COPZ2: variants seen among roughly 807,000 people sequenced by gnomAD.
COPZ2 encodes the protein coat protein complex I subunit zeta 2, also known as coatomer subunit zeta-2.
COPZ2 carries 30 observed loss-of-function variants against 33.2 expected under a neutral mutation model. The ratio of observed to expected loss-of-function variants is 0.90; its 90% CI spans 0.68 to 1.23. COPZ2 has a LOEUF of 1.23. COPZ2 is among the 50% of genes most tolerant of loss of function. The pLI is 0.00. For synonymous variants in COPZ2, 89 were observed against 102.6 expected, an observed-to-expected ratio of 0.87 and a Z score of 0.80; for missense variants, 263 against 262.4, an observed-to-expected ratio of 1.00 and a Z score of -0.02.
chr17:48,036,078 G>A (rs1244289599), intron 2 of COPZ2, among the ~76,000 whole-genome samples: 2 of 152,192 alleles, frequency 1.3e-5, no homozygotes, highest in Admixed American at 1.3e-4. Context: ...CATAGCTAAT[G>A]CAGATGCTAT....
chr17:48,034,438 C>T (rs2036947205), intron 2 of COPZ2, among the ~76,000 whole-genome samples: 1 of 152,020 alleles, frequency 6.6e-6, no homozygotes, highest in African/African-American at 2.4e-5. Flanking sequence ...AAAGAAAGTC[C>T]CAAAAAGTAG....
At chr17:48,031,473 A>G (rs1022257602) in intron 6 of COPZ2, among the ~76,000 whole-genome samples, 3 of 151,604 alleles carry the variant, frequency 2.0e-5, no homozygotes, top group African/African-American at 7.3e-5. Context: ...AAAAAAAAAG[A>G]AATTTTTATT....
At chr17:48,038,798 G>A (rs534937744), upstream of COPZ2, among the ~76,000 whole-genome samples, 8 of 152,248 alleles carry the variant, frequency 5.3e-5, no homozygotes, top group South Asian at 1.2e-3. Context: ...TACAGAATGG[G>A]GTTTTCCTCA....
intron 6 of COPZ2, among the ~76,000 whole-genome samples, chr17:48,031,319 G>A (rs2036891222): frequency 6.6e-6 from 1 of 151,978 alleles, no homozygotes; most frequent in South Asian, 2.1e-4. Flanking sequence ...TGGTGTGGTG[G>A]TGGGTGCCTG....
upstream of COPZ2, among the ~76,000 whole-genome samples, chr17:48,041,624 T>C (rs546506755): frequency 3.3e-5 from 5 of 152,262 alleles, no homozygotes; most frequent in East Asian, 7.7e-4. Flanking sequence ...TCAGTTATAA[T>C]AGGGAACATA....
chr17:48,026,595 T>TGG, intron 8 of COPZ2, 120 bp from the exon 9 acceptor site: 1 of 692,042 alleles, frequency 1.4e-6, no homozygotes, highest in Admixed American at 2.4e-5. Flanking sequence ...GGTCACTAGG[T>TGG]GGCAGCAGCT....
intron 6 of COPZ2, among the ~76,000 whole-genome samples, chr17:48,031,450 T>C (rs2144300082): frequency 1.3e-5 from 2 of 149,266 alleles, no homozygotes; most frequent in Non-Finnish European, 3.0e-5. Context: ...AGCGAGACTC[T>C]GTCTCAAAAA....
Position 48,036,214 on chromosome 17 carries a change from C to A in COPZ2, c.186+637G>T, listed in dbSNP as rs190688136. 1.5e-3 allele frequency among the ~76,000 whole-genome samples: 236 copies of A among 152,258 alleles called. 1 individual carries two copies. Among genetic ancestry groups the A allele is most frequent in the African/African-American group, 5.4e-3 (226 of 41,546 alleles). The stretch of plus-strand genomic sequence containing the variant: ...TTGAATGGGGGTACAGTGAAAACCA[C>A]CTTGAGCTTCATGTCAAAAAACCCG... On this transcript the variant is annotated intron_variant, in intron 2 of 8. Transcript: ENST00000621465.
chr17:48,047,241 G>A, the COPZ2 span: 1 of 152,204 alleles, frequency 6.6e-6, no homozygotes, highest in Non-Finnish European at 1.5e-5. Context: ...AGAAGACACA[G>A]TTGAGTTGAC....
chr17:48,034,868 C>T (rs893235618), intron 2 of COPZ2, among the ~76,000 whole-genome samples: 4 of 152,124 alleles, frequency 2.6e-5, no homozygotes, highest in African/African-American at 9.7e-5. Flanking sequence ...TGCCTGTAAT[C>T]CCAGCTACTT....
In COPZ2 at chr17:48,036,851, C is replaced by T. The variant is rs935561240; in HGVS notation, c.186G>A (p.Lys62=). 3.1e-6 allele frequency: 5 copies of T among 1,613,480 alleles called. No individual in the cohort carries two copies. Among genetic ancestry groups the T allele is most frequent in the East Asian group, 2.2e-5 (1 of 44,884 alleles). ...LDNDGRRLLA[K]YYDDTFPSMK... is the part of the protein sequence containing the mutation. The stretch of plus-strand genomic sequence containing the variant: ...CCTCATGGGTGGGGTCAGAGGTTAC[C>T]TTGGCCAGCAGCCGGCGCCCGTCAT... The change falls in exon 2 of 9, where the codon AAG becomes AAA. Residue 62 remains lysine, a splice_region_variant and synonymous_variant. Transcript: ENST00000621465.
At chr17:48,032,314 T>C (rs1388476588) in intron 5 of COPZ2, 81 bp from the exon 6 acceptor site, 4 of 1,187,680 alleles carry the variant, frequency 3.4e-6, no homozygotes. Flanking sequence ...GACCCCACTC[T>C]CCAAAGACTG....
Position 48,028,128 on chromosome 17 carries a change from G to C in COPZ2, c.585+344C>G, listed in dbSNP as rs1201558983. On this transcript the variant is annotated intron_variant, in intron 8 of 8. Coordinates refer to ENST00000621465, the MANE Select transcript of COPZ2 (RefSeq NM_016429.4). The surrounding 1 kb of genome is among the most constrained non-coding windows in gnomAD (Gnocchi z 4.5). ...AGGTTTCGGTAGAGGGCGCATCAGAGGCCTGAGTTCCCAGATTTTTGGGGT... is the reference window on the plus strand; with the variant it reads ...AGGTTTCGGTAGAGGGCGCATCAGACGCCTGAGTTCCCAGATTTTTGGGGT... Among the ~76,000 whole-genome samples, 1 of 152,154 alleles carries C rather than the reference G, an allele frequency of 6.6e-6. No individual in the cohort carries two copies. The highest frequency in any genetic ancestry group is 6.5e-5 in the Admixed American group (1 of 15,282).
intron 3 of COPZ2, 55 bp from the exon 4 acceptor site, chr17:48,033,357 CCCT>C: frequency 3.1e-6 from 3 of 974,104 alleles, no homozygotes; most frequent in Non-Finnish European, 3.3e-6. Flanking sequence ...CTAGCCTAGC[CCCT>C]CCTCCTCATG....
Position 48,037,654 on chromosome 17 carries a change from G to T in COPZ2, c.111+13C>A. The stretch of plus-strand genomic sequence containing the variant: ...CCCGCCGCCCGGGATCCCCGCGCCC[G>T]CCCGCTCCGTACCCGCAGCCCCGAG... On this transcript the variant is annotated intron_variant, in intron 1 of 8. Transcript: ENST00000621465. This position sits in a 1 kb window ranked among gnomAD's most constrained non-coding sequence, Gnocchi z 5.6. 1 of 1,090,278 alleles carries T rather than the reference G, an allele frequency of 9.2e-7. No individual in the cohort carries two copies. The highest frequency in any genetic ancestry group is 1.1e-6 in the Non-Finnish European group (1 of 898,736). The allele number at this position is 1,090,278 out of a possible 1,614,324, so 67.5% of individuals were successfully genotyped here.
At chr17:48,043,053 A>G in the COPZ2 span, among the ~76,000 whole-genome samples, 2 of 152,270 alleles carry the variant, frequency 1.3e-5, no homozygotes, top group Non-Finnish European at 2.9e-5. Flanking sequence ...GCACATGAGA[A>G]GCATGCACGT....
At chr17:48,038,269 GCTTT>G (rs2037024114), upstream of COPZ2, among the ~76,000 whole-genome samples, 1 of 152,144 alleles carries the variant, frequency 6.6e-6, no homozygotes, top group Non-Finnish European at 1.5e-5. Context: ...CTGTGAAGAG[GCTTT>G]CTCATTCCTC....
rs1377815303 is a variant in COPZ2, at chr17:48,026,419, C to A, written c.*9G>T. The A allele has an allele frequency of 2.5e-6, 4 of 1,611,606 alleles. No homozygotes were observed. Among genetic ancestry groups the A allele is most frequent in the Non-Finnish European group, 3.4e-6 (4 of 1,177,780 alleles). ...ATCTGGGGGGCAGGGAGCCTTGAAT[C>A]CACAGCCTTCATTTCAATAACGACC... On this transcript the variant is annotated 3_prime_UTR_variant, in exon 9 of 9. Coordinates refer to ENST00000621465, the MANE Select transcript of COPZ2 (RefSeq NM_016429.4).
At position 48,037,186 on chromosome 17, in the gene COPZ2, A is replaced by G. The variant is rs770658530; in HGVS notation, c.112-261T>C. 1.4e-6 allele frequency: 1 copy of G among 720,964 alleles called. No individual in the cohort carries two copies. The highest frequency in any genetic ancestry group is 2.6e-6 in the Non-Finnish European group (1 of 381,548). 44.7% of individuals were successfully genotyped at this position (720,964 alleles called of 1,614,324 possible). A position where few individuals can be genotyped will look rare whatever the true frequency, so the allele number is the denominator to read the frequency against. On this transcript the variant is annotated intron_variant, in intron 1 of 8. Coordinates refer to ENST00000621465, the MANE Select transcript of COPZ2 (RefSeq NM_016429.4). The surrounding 1 kb of genome is among the most constrained non-coding windows in gnomAD (Gnocchi z 5.6). ...GGTCCTTCCGGGCCCAAGTTCTGTC[A>G]TGCACTGACTGCTCCAGAGCCCGAG...
Sources: gnomAD v4.1 joint callset for allele counts (sites outside exome capture counted in the v4.1 genomes callset) on GRCh38, gnomAD v4.1.1 for gene constraint, Gnocchi (gnomAD v3.1) non-coding constraint, MANE v1.5 for transcripts, NCBI Gene and HGNC (gene_info 2026-07-23, HGNC 2026-07-21) for gene names.